TPRA1: variants seen among roughly 807,000 people sequenced by gnomAD.
TPRA1 encodes transmembrane protein adipocyte-associated 1.
Under a neutral mutation model 40.1 loss-of-function variants are expected in TPRA1, and 28 were observed. That is an observed-to-expected ratio of 0.70 (90% CI 0.52 to 0.96). The LOEUF (loss-of-function observed/expected upper bound fraction) is 0.96, where lower values mean the gene tolerates loss of function less well. Among genes scored for constraint, TPRA1 ranks in the 40% least tolerant of loss-of-function variants. The probability of loss-of-function intolerance (pLI) is 0.00; values close to 1 mark genes in which losing one functional copy is unlikely to be tolerated. For missense variants in TPRA1, 441 were observed against 482.6 expected (o/e 0.91, Z 0.81); for synonymous variants, 219 against 209.7 (o/e 1.04, Z -0.38).
intron 1 of TPRA1, among the ~76,000 whole-genome samples, chr3:127,597,569 G>A (rs951707365): frequency 1.3e-5 from 2 of 152,136 alleles, no homozygotes; most frequent in Non-Finnish European, 2.9e-5. Flanking sequence ...TTGCACATCC[G>A]GGCCCTGCCA....
At position 127,571,910 on chromosome 3, in the gene TPRA1, C is replaced by G. The variant is rs2073387530; in HGVS notation, c.*1611G>C. On this transcript the variant is annotated 3_prime_UTR_variant, in exon 11 of 11. Transcript: ENST00000355552. ...ATTCACTGCAGCCAGCAAACTTCGG[C>G]TGACACTGTGCCATCTTGGACTGCA... The G allele has an allele frequency of 1.3e-5, 2 of 152,190 alleles. No individual in the cohort carries two copies. The highest frequency in any genetic ancestry group is 2.9e-5 in the Non-Finnish European group (2 of 68,040). The allele number at this position is 152,190 out of a possible 1,614,324, so 9.4% of individuals were successfully genotyped here.
intron 1 of TPRA1, among the ~76,000 whole-genome samples, chr3:127,597,823 T>C (rs1001264077): frequency 6.6e-6 from 1 of 152,046 alleles, no homozygotes; most frequent in Non-Finnish European, 1.5e-5. Flanking sequence ...TTTTTTTTTT[T>C]TTGAGACGGA....
intron 1 of TPRA1, among the ~76,000 whole-genome samples, chr3:127,583,859 C>T (rs541691292): frequency 1.6e-4 from 24 of 151,982 alleles, no homozygotes; most frequent in East Asian, 3.9e-4. Flanking sequence ...TTAGTAGAGA[C>T]GGGGTTTCAT....
At chr3:127,586,668 C>A (rs1559848963) in intron 1 of TPRA1, among the ~76,000 whole-genome samples, 1 of 152,204 alleles carries the variant, frequency 6.6e-6, no homozygotes, top group Admixed American at 6.5e-5. Context: ...TATCCCCACC[C>A]CTATTATAAA....
chr3:127,590,686 A>T lies in TPRA1; in HGVS notation c.-294T>A, dbSNP rs969516812. 6.6e-6 allele frequency: 1 copy of T among 152,356 alleles called. No homozygotes were observed. Among genetic ancestry groups the T allele is most frequent in the Non-Finnish European group, 1.5e-5 (1 of 68,140 alleles). 9.4% of individuals were successfully genotyped at this position (152,356 alleles called of 1,614,324 possible). A position where few individuals can be genotyped will look rare whatever the true frequency, so the allele number is the denominator to read the frequency against. On this transcript the variant is annotated 5_prime_UTR_variant, in exon 1 of 11. The change creates a new upstream start codon in the 5' untranslated region. Coordinates refer to ENST00000355552, the MANE Select transcript of TPRA1 (RefSeq NM_001136053.4). ...CCCGACAGCGGCGACCGGGAAAGCA[A>T]GACCGTCTTTTTCGTCCAGCCCAAA...
At chr3:127,575,103 AG>A in intron 10 of TPRA1, 81 bp downstream of exon 10, 1 of 1,483,326 alleles carries the variant, frequency 6.7e-7, no homozygotes, top group South Asian at 1.2e-5. Flanking sequence ...ACAGCCTCTC[AG>A]CTTCAATCCT....
chr3:127,576,604 C>T lies in TPRA1; in HGVS notation c.498+13G>A, dbSNP rs766242358. ...TGACTCCTAGCGTCCCCTGCCCACA[C>T]TCACCCTCTTACCTGGGTGACAGAG... On this transcript the variant is annotated intron_variant, in intron 6 of 10. Coordinates refer to ENST00000355552, the MANE Select transcript of TPRA1 (RefSeq NM_001136053.4). This position sits in a 1 kb window ranked among gnomAD's most constrained non-coding sequence, Gnocchi z 4.6. The T allele has an allele frequency of 6.3e-6, 10 of 1,588,716 alleles. No homozygotes were observed. The highest frequency in any genetic ancestry group is 8.6e-6 in the Non-Finnish European group (10 of 1,166,576).
At position 127,573,426 on chromosome 3, in the gene TPRA1, A is replaced by G; in HGVS notation, c.*95T>C. 1 of 1,466,058 alleles carries G rather than the reference A, an allele frequency of 6.8e-7. No homozygotes were observed. Among genetic ancestry groups the G allele is most frequent in the East Asian group, 2.4e-5 (1 of 41,956 alleles). The allele number at this position is 1,466,058 out of a possible 1,614,324, so 90.8% of individuals were successfully genotyped here. A position where few individuals can be genotyped will look rare whatever the true frequency, so the allele number is the denominator to read the frequency against. ...ACAGGGCCACACAGGGCTACTGCCC[A>G]CAGAACGTCCCTTGACCTGGTCCTC... is the stretch of plus-strand genomic sequence containing the variant. On this transcript the variant is annotated 3_prime_UTR_variant, in exon 11 of 11. Transcript: ENST00000355552.
chr3:127,589,412 C>CT (rs1182996314), intron 1 of TPRA1, among the ~76,000 whole-genome samples: 1 of 148,762 alleles, frequency 6.7e-6, no homozygotes, highest in Admixed American at 6.6e-5. Flanking sequence ...ACCCTAGGGC[C>CT]TAAGGGTGGT....
At chr3:127,589,305 C>T (rs2074095523) in intron 1 of TPRA1, among the ~76,000 whole-genome samples, 1 of 152,154 alleles carries the variant, frequency 6.6e-6, no homozygotes, top group Non-Finnish European at 1.5e-5. Flanking sequence ...ATCTGTGCAA[C>T]AGGATTGACC....
At chr3:127,577,137 A>G in intron 3 of TPRA1, 61 bp from the exon 4 acceptor site, 1 of 1,541,284 alleles carries the variant, frequency 6.5e-7, no homozygotes. Flanking sequence ...CGGCAGGGGC[A>G]GCAAGCCCAC....
rs1408980163 is a variant in TPRA1 at position 127,576,560 on chromosome 3, C to T, written c.498+57G>A. 9 of 1,492,118 alleles carry T rather than the reference C, an allele frequency of 6.0e-6. No homozygotes were observed. Among genetic ancestry groups the T allele is most frequent in the Non-Finnish European group, 8.2e-6 (9 of 1,101,084 alleles). 92.4% of individuals were successfully genotyped at this position (1,492,118 alleles called of 1,614,324 possible). A position where few individuals can be genotyped will look rare whatever the true frequency, so the allele number is the denominator to read the frequency against. On this transcript the variant is annotated intron_variant, in intron 6 of 10. Transcript: ENST00000355552. This position sits in a 1 kb window ranked among gnomAD's most constrained non-coding sequence, Gnocchi z 4.6. ...TGGAAACCTGACCCAGACCCAGAAG[C>T]AGTGGGTGCCTGGTGCCCTGACTCC...
intron 1 of TPRA1, chr3:127,597,857 G>A (rs190248426): frequency 6.4e-6 from 1 of 155,454 alleles, no homozygotes; most frequent in East Asian, 1.9e-4. Context: ...ACCCAGGCTG[G>A]AGTGCAGTGG....
At chr3:127,584,692 T>G (rs1287832582) in intron 1 of TPRA1, among the ~76,000 whole-genome samples, 1 of 152,064 alleles carries the variant, frequency 6.6e-6, no homozygotes, top group African/African-American at 2.4e-5. Context: ...TGGCTGAGTT[T>G]TATCCAACTG....
chr3:127,582,989 C>CA (rs929143116), intron 1 of TPRA1, among the ~76,000 whole-genome samples: 2 of 151,148 alleles, frequency 1.3e-5, no homozygotes, highest in Admixed American at 1.3e-4. Context: ...ACTAAAAATA[C>CA]AAAAAAATTA....
upstream of TPRA1, among the ~76,000 whole-genome samples, chr3:127,593,955 C>T (rs2074217841): frequency 1.3e-5 from 2 of 152,242 alleles, no homozygotes; most frequent in African/African-American, 4.8e-5. Context: ...TTTGTCATCA[C>T]AGTCTGAAGG....
intron 10 of TPRA1, 51 bp downstream of exon 10, chr3:127,575,134 G>C (rs1486000753): frequency 6.3e-7 from 1 of 1,583,968 alleles, no homozygotes; most frequent in South Asian, 1.1e-5. Context: ...GCTGGAAGAA[G>C]GCGCAGTTCC....
intron 1 of TPRA1, among the ~76,000 whole-genome samples, chr3:127,597,584 C>A (rs1176120188): frequency 6.6e-6 from 1 of 152,220 alleles, no homozygotes; most frequent in African/African-American, 2.4e-5. Context: ...CTGCCATGAC[C>A]TCTGCAGCTT....
rs759996356 is a variant in TPRA1, at chr3:127,575,966, G to A, written c.583C>T (p.Leu195=). The A allele has an allele frequency of 1.2e-6, 2 of 1,613,920 alleles. No homozygotes were observed. The highest frequency in any genetic ancestry group is 1.7e-6 in the Non-Finnish European group (2 of 1,180,036). ...AGGAAGAAGAAGCAGGAGCTGACCAGCCAGAACTGGCGGCCCCCATGGCCA... is the reference window on the plus strand; with the variant it reads ...AGGAAGAAGAAGCAGGAGCTGACCAACCAGAACTGGCGGCCCCCATGGCCA... ...IYGHGGRQFW[L]VSSCFFFLVY... is the part of the protein sequence containing the mutation. Residue 195 remains leucine (L), a synonymous_variant, in exon 7 of 11, where the codon CTG becomes TTG. Transcript: ENST00000355552.
Sources: allele counts gnomAD v4.1 joint callset (sites outside exome capture counted in the v4.1 genomes callset), GRCh38; gene constraint gnomAD v4.1.1; non-coding constraint Gnocchi (gnomAD v3.1); transcripts MANE v1.5; gene names NCBI Gene and HGNC (gene_info 2026-07-23, HGNC 2026-07-21).